SNAPC3: variants seen among roughly 807,000 people sequenced by gnomAD.
The protein encoded by SNAPC3 is small nuclear RNA activating complex polypeptide 3.
Under a neutral mutation model 47.7 loss-of-function variants are expected in SNAPC3, and 56 were observed. That is an observed-to-expected ratio of 1.18 (90% CI 0.95 to 1.47). SNAPC3 has a LOEUF of 1.47. Among genes scored for constraint, SNAPC3 ranks in the 40% most tolerant of loss-of-function variants. The pLI is 0.00. For missense variants in SNAPC3, 665 were observed against 511.3 expected (o/e 1.30, Z -2.90); for synonymous variants, 235 against 189.9 (o/e 1.24, Z -1.95).
chr9:15,459,578 A>G, intron 8 of SNAPC3, 141 bp from the exon 9 acceptor site: 2 of 645,896 alleles, frequency 3.1e-6, no homozygotes, highest in Non-Finnish European at 5.3e-6. Flanking sequence ...CTATGTATAC[A>G]AAATTAAGGG....
In SNAPC3 at chr9:15,426,219, G is replaced by A. The variant is rs116592149; in HGVS notation, c.392+2233G>A. ...TCCAGCCACACTGCACTGTGTTTCA[G>A]TTCCTCGAATATGCTCTCTCACTCC... On this transcript the variant is annotated intron_variant, in intron 2 of 8. Transcript: ENST00000380821. 9.5e-3 allele frequency among the ~76,000 whole-genome samples: 1,447 copies of A among 152,158 alleles called. 32 individuals are homozygous for A. The highest frequency in any genetic ancestry group is 0.034 in the African/African-American group (1,414 of 41,512).
At chr9:15,448,448 A>G (rs373399891) in intron 5 of SNAPC3, among the ~76,000 whole-genome samples, 238 of 152,278 alleles carry the variant, frequency 1.6e-3, no homozygotes, top group Non-Finnish European at 3.1e-3. Flanking sequence ...TTGTGAGTTC[A>G]TCCTCAGATT....
At chr9:15,431,349 G>A (rs2032120920) in intron 2 of SNAPC3, among the ~76,000 whole-genome samples, 2 of 152,170 alleles carry the variant, frequency 1.3e-5, no homozygotes, top group African/African-American at 4.8e-5. Flanking sequence ...AGCCCTAGGG[G>A]TAGGGTGCTC....
downstream of SNAPC3, chr9:15,465,617 A>G (rs531787537): frequency 2.1e-4 from 308 of 1,488,714 alleles, 4 homozygotes; most frequent in South Asian, 2.7e-3. Flanking sequence ...TGGAATTAGG[A>G]TTTTCTCCTG....
intron 3 of SNAPC3, among the ~76,000 whole-genome samples, chr9:15,442,994 C>A (rs567103895): frequency 8.5e-5 from 13 of 152,332 alleles, no homozygotes; most frequent in African/African-American, 3.1e-4. Context: ...CACAGCGAAA[C>A]CCCGTCTCCA....
downstream of SNAPC3, chr9:15,465,186 A>G (rs2035534994): frequency 3.9e-6 from 1 of 253,978 alleles, no homozygotes; most frequent in Non-Finnish European, 7.5e-6. Context: ...TTATACAAGT[A>G]GCAGTTTTAA....
intron 5 of SNAPC3, among the ~76,000 whole-genome samples, chr9:15,450,959 C>CA (rs1373207403): frequency 1.8e-4 from 27 of 151,968 alleles, no homozygotes; most frequent in Admixed American, 8.5e-4. Flanking sequence ...ATTGCAAATA[C>CA]AAAAAAATGC....
chr9:15,442,039 A>T (rs1324557596), intron 3 of SNAPC3, among the ~76,000 whole-genome samples: 2 of 150,166 alleles, frequency 1.3e-5, no homozygotes, highest in East Asian at 4.0e-4. Context: ...CACCTCCTGG[A>T]TGGGGCAGCT....
chr9:15,424,373 G>C lies in SNAPC3; in HGVS notation c.392+387G>C, dbSNP rs186186228. ...ATATTTTTGAATGTTTGTTTATAGA[G>C]GTAATCTACTTAGATCTGGGGGGCA... is the stretch of plus-strand genomic sequence containing the variant. On this transcript the variant is annotated intron_variant, in intron 2 of 8. Transcript: ENST00000380821. Among the ~76,000 whole-genome samples the C allele has an allele frequency of 6.1e-3, 935 of 152,152 alleles. 3 individuals are homozygous for C. The highest frequency in any genetic ancestry group is 0.017 in the South Asian group (82 of 4,822).
chr9:15,429,582 A>G (rs2031878950), intron 2 of SNAPC3, among the ~76,000 whole-genome samples: 1 of 152,220 alleles, frequency 6.6e-6, no homozygotes. Context: ...TTAAATAAGA[A>G]AATGGGTAAC....
chr9:15,450,275 G>A (rs1056061232), intron 5 of SNAPC3, among the ~76,000 whole-genome samples: 2 of 152,134 alleles, frequency 1.3e-5, no homozygotes, highest in Non-Finnish European at 2.9e-5. Flanking sequence ...AAACAACATA[G>A]CCAGTCTTGC....
rs967616976 is a variant in SNAPC3, at chr9:15,422,917, G to C, written c.38G>C (p.Gly13Ala). ...EGSRGGPTCSGVGGRQDPVSG... is the reference protein window; with the variant it reads ...EGSRGGPTCSAVGGRQDPVSG... ...AGCCGAGGTGGCCCTACGTGTAGCG[G>C]GGTGGGTGGCAGGCAGGACCCAGTC... Residue 13 changes from glycine (G) to alanine (A), a missense_variant, in exon 1 of 9, where the codon GGG (glycine) becomes GCG (alanine). Physicochemically the swap from Gly to Ala is moderately conservative, Grantham distance 60 (BLOSUM62 0). Transcript: ENST00000380821. 2 of 1,536,980 alleles carry C rather than the reference G, an allele frequency of 1.3e-6. No individual in the cohort carries two copies. The highest frequency in any genetic ancestry group is 1.4e-5 in the African/African-American group (1 of 71,522).
intron 3 of SNAPC3, among the ~76,000 whole-genome samples, chr9:15,441,301 T>G (rs1002071750): frequency 1.3e-5 from 2 of 151,656 alleles, no homozygotes; most frequent in African/African-American, 4.8e-5. Context: ...TACTTTTAAT[T>G]TTTTGAGAGA....
At position 15,453,053 on chromosome 9, in the gene SNAPC3, G is replaced by A; in HGVS notation, c.828G>A (p.Glu276=). The change falls in exon 7 of 9, where the codon GAG becomes GAA. Residue 276 remains glutamate (E), a synonymous_variant. Coordinates refer to ENST00000380821, the MANE Select transcript of SNAPC3 (RefSeq NM_001039697.2). ...ECRDLSRTII[E]WSESHDRGYG... ...TTTCCCCCCTCAGAACTATCATTGA[G>A]TGGTCAGAGTCCCATGATAGAGGCT... 3 of 1,612,294 alleles carry A rather than the reference G, an allele frequency of 1.9e-6. No homozygotes were observed. The highest frequency in any genetic ancestry group is 2.5e-6 in the Non-Finnish European group (3 of 1,179,106).
intron 8 of SNAPC3, 112 bp from the exon 9 acceptor site, chr9:15,459,607 C>G (rs773569578): frequency 3.7e-6 from 3 of 815,878 alleles, no homozygotes; most frequent in Non-Finnish European, 4.0e-6. Context: ...GCATTAATAA[C>G]AGACTGATAA....
At chr9:15,441,197 T>TTA (rs1554648988) in intron 3 of SNAPC3, among the ~76,000 whole-genome samples, 1 of 150,914 alleles carries the variant, frequency 6.6e-6, no homozygotes, top group Admixed American at 6.6e-5. Flanking sequence ...CTTTTTTTTT[T>TTA]ATTTAACGTT....
Position 15,461,321 on chromosome 9 carries a change from C to G in SNAPC3, c.*1455C>G, listed in dbSNP as rs945338191. The G allele has an allele frequency of 7.0e-4, 107 of 152,216 alleles. No individual in the cohort carries two copies. The highest frequency in any genetic ancestry group is 2.2e-3 in the African/African-American group (92 of 41,528). The allele number at this position is 152,216 out of a possible 1,614,324, so 9.4% of individuals were successfully genotyped here. On this transcript the variant is annotated 3_prime_UTR_variant, in exon 9 of 9. Coordinates refer to ENST00000380821, the MANE Select transcript of SNAPC3 (RefSeq NM_001039697.2). ...GACATGGTGGCACAGGCCACCATGG[C>G]GGGCTAATTTTTTTATTTCTTGTAG...
intron 3 of SNAPC3, among the ~76,000 whole-genome samples, chr9:15,442,441 C>T (rs2033529143): frequency 1.3e-5 from 2 of 150,694 alleles, no homozygotes; most frequent in South Asian, 2.1e-4. Flanking sequence ...GGAGGGCCTC[C>T]TCACTTCTCA....
chr9:15,456,237 T>A (rs1466749631), intron 7 of SNAPC3, among the ~76,000 whole-genome samples: 1 of 150,720 alleles, frequency 6.6e-6, no homozygotes, highest in Non-Finnish European at 1.5e-5. Flanking sequence ...GTCGAACTCC[T>A]GACCTCAGGT....
Sources: gnomAD v4.1 joint callset for allele counts (sites outside exome capture counted in the v4.1 genomes callset) on GRCh38, gnomAD v4.1.1 for gene constraint, MANE v1.5 for transcripts, NCBI Gene and HGNC (gene_info 2026-07-23, HGNC 2026-07-21) for gene names.